PCED1B: variants seen among roughly 807,000 people sequenced by gnomAD.
PCED1B encodes PC-esterase domain-containing protein 1B.
For missense variants in PCED1B, 573 were observed against 573.9 expected, an observed-to-expected ratio of 1.00 and a Z score of 0.02; for synonymous variants, 251 against 246.1, an observed-to-expected ratio of 1.02 and a Z score of -0.19.
chr12:47,132,439 A>C (rs1940171464), intron 2 of PCED1B, among the ~76,000 whole-genome samples: 1 of 152,166 alleles, frequency 6.6e-6, no homozygotes, highest in Non-Finnish European at 1.5e-5. Context: ...AAATGGCCCA[A>C]TACTATGGGG....
At chr12:47,153,713 A>G (rs918890427) in intron 2 of PCED1B, among the ~76,000 whole-genome samples, 2 of 152,206 alleles carry the variant, frequency 1.3e-5, no homozygotes, top group Non-Finnish European at 2.9e-5. Context: ...CTCTACTTTT[A>G]AATAATCAGT....
chr12:47,127,761 A>C (rs1439723554), intron 2 of PCED1B, among the ~76,000 whole-genome samples: 2 of 152,200 alleles, frequency 1.3e-5, no homozygotes, highest in African/African-American at 2.4e-5. Context: ...TTTATGGCTT[A>C]GAATGTTGCC....
intron 2 of PCED1B, among the ~76,000 whole-genome samples, chr12:47,129,970 C>T (rs1409473960): frequency 6.6e-6 from 1 of 152,182 alleles, no homozygotes; most frequent in Non-Finnish European, 1.5e-5. Context: ...TTGAGTTCTG[C>T]CCAAAGAAGA....
rs140553763 is a variant in PCED1B at position 47,113,509 on chromosome 12, G to A, written c.-526+9314G>A. Among the ~76,000 whole-genome samples, 987 of 152,196 alleles carry A rather than the reference G, an allele frequency of 6.5e-3. 10 individuals are homozygous for A. Among genetic ancestry groups the A allele is most frequent in the African/African-American group, 0.022 (930 of 41,500 alleles). ...TTATACTGCATTGTTCCATACTGAT[G>A]ACGCTCCTGCTTCAAATCCTATTCC... On this transcript the variant is annotated intron_variant, in intron 2 of 3. Transcript: ENST00000546455.
intron 3 of PCED1B, among the ~76,000 whole-genome samples, chr12:47,233,701 G>A (rs1210276344): frequency 1.3e-5 from 2 of 152,156 alleles, no homozygotes; most frequent in Non-Finnish European, 2.9e-5. Flanking sequence ...TTACCTTCCT[G>A]AAGGAAATAT....
chr12:47,169,375 C>T lies in PCED1B; in HGVS notation c.-525-46847C>T, dbSNP rs1415246715. Among the ~76,000 whole-genome samples, 4 of 152,126 alleles carry T rather than the reference C, an allele frequency of 2.6e-5. No individual in the cohort carries two copies. The South Asian group carries it at 8.3e-4, about 32-fold the overall frequency. On this transcript the variant is annotated intron_variant, in intron 2 of 3. Coordinates refer to ENST00000546455, the MANE Select transcript of PCED1B (RefSeq NM_138371.3). Reference sequence around the variant, plus strand: ...TACCTCTCATGTGAGGGTCTTATGTCGTATTTCAGGGGAGAAGAAAGTGTC... The same window carrying T: ...TACCTCTCATGTGAGGGTCTTATGTTGTATTTCAGGGGAGAAGAAAGTGTC...
chr12:47,153,419 C>T (rs1442915601), intron 2 of PCED1B, among the ~76,000 whole-genome samples: 1 of 147,632 alleles, frequency 6.8e-6, no homozygotes, highest in South Asian at 2.2e-4. Flanking sequence ...CTGAATTACA[C>T]AGTTTAAAAT....
intron 2 of PCED1B, among the ~76,000 whole-genome samples, chr12:47,172,249 A>G (rs994409603): frequency 6.6e-6 from 1 of 150,990 alleles, no homozygotes; most frequent in African/African-American, 2.4e-5. Context: ...TACTTCTTCC[A>G]ATTGTTCTTT....
At position 47,235,538 on chromosome 12, in the gene PCED1B, C is replaced by T. The variant is rs774904336; in HGVS notation, c.475C>T (p.Leu159Phe). ...CLGQVLPESC[L>F]LVWNTAMPVG... is the part of the protein sequence containing the mutation. ...GGGCCAGGTGCTGCCCGAGTCTTGC[C>T]TCCTGGTGTGGAACACGGCCATGCC... Residue 159 changes from leucine (L) to phenylalanine (F), a missense_variant, in exon 4 of 4, where the codon CTC becomes TTC. By Grantham distance (22) the Leu-to-Phe change is conservative (BLOSUM62 0). Coordinates refer to ENST00000546455, the MANE Select transcript of PCED1B (RefSeq NM_138371.3). 3.1e-6 allele frequency: 5 copies of T among 1,611,098 alleles called. No homozygotes were observed. Among genetic ancestry groups the T allele is most frequent in the Non-Finnish European group, 1.7e-6 (2 of 1,178,136 alleles).
intron 2 of PCED1B, among the ~76,000 whole-genome samples, chr12:47,175,897 CTT>C (rs1278951627): frequency 2.1e-5 from 3 of 143,074 alleles, no homozygotes; most frequent in Admixed American, 7.0e-5. Flanking sequence ...AATTTTATTT[CTT>C]TTTTTTTTTA....
intron 2 of PCED1B, among the ~76,000 whole-genome samples, chr12:47,184,540 T>A (rs537077592): frequency 2.0e-5 from 3 of 152,260 alleles, no homozygotes; most frequent in South Asian, 2.1e-4. Flanking sequence ...CACAGACTTT[T>A]GAGTTTCACA....
chr12:47,219,813 A>G (rs1943417179), intron 3 of PCED1B, among the ~76,000 whole-genome samples: 1 of 152,178 alleles, frequency 6.6e-6, no homozygotes, highest in African/African-American at 2.4e-5. Context: ...TTCTTAATTT[A>G]AACAAGTATT....
intron 2 of PCED1B, among the ~76,000 whole-genome samples, chr12:47,139,532 G>A (rs1013830807): frequency 3.9e-5 from 6 of 152,186 alleles, no homozygotes; most frequent in African/African-American, 2.4e-5. Flanking sequence ...AGAGGAAGGC[G>A]TAGCTCAAGT....
At chr12:47,159,546 G>A (rs554376898) in intron 2 of PCED1B, among the ~76,000 whole-genome samples, 8 of 152,016 alleles carry the variant, frequency 5.3e-5, no homozygotes, top group African/African-American at 1.9e-4. Context: ...TTTGAGAAAT[G>A]TCTATTCATG....
chr12:47,233,249 T>C (rs1459405657), intron 3 of PCED1B, among the ~76,000 whole-genome samples: 1 of 152,054 alleles, frequency 6.6e-6, no homozygotes, highest in Non-Finnish European at 1.5e-5. Context: ...CTCCGCCTCC[T>C]GGGCTCACGC....
chr12:47,118,057 T>C (rs1410045330), intron 2 of PCED1B, among the ~76,000 whole-genome samples: 1 of 152,218 alleles, frequency 6.6e-6, no homozygotes, highest in Non-Finnish European at 1.5e-5. Context: ...TTTGATTTTT[T>C]GTTGTAAATT....
In PCED1B at chr12:47,170,525, C is replaced by G. The variant is rs528308906; in HGVS notation, c.-525-45697C>G. 1.2e-3 allele frequency among the ~76,000 whole-genome samples: 175 copies of G among 150,132 alleles called. 2 individuals carry two copies. The highest frequency in any genetic ancestry group is 4.2e-3 in the South Asian group (20 of 4,798). On this transcript the variant is annotated intron_variant, in intron 2 of 3. Coordinates refer to ENST00000546455, the MANE Select transcript of PCED1B (RefSeq NM_138371.3). ...GCGGCGGCCGGGCGGAGGCGCCCCC[C>G]ACCTCCCTCCCGGATATTACTCATC... is the stretch of plus-strand genomic sequence containing the variant.
intron 2 of PCED1B, among the ~76,000 whole-genome samples, chr12:47,146,451 T>C (rs1940787085): frequency 6.6e-6 from 1 of 152,214 alleles, no homozygotes; most frequent in South Asian, 2.1e-4. Context: ...TCAAACAGCA[T>C]CGCATGCTAC....
chr12:47,214,972 C>T (rs746958828), intron 2 of PCED1B, among the ~76,000 whole-genome samples: 26 of 152,008 alleles, frequency 1.7e-4, no homozygotes, highest in Non-Finnish European at 2.1e-4. Context: ...CTGCAACCTA[C>T]GCCTCCTGGG....
Sources: allele counts gnomAD v4.1 joint callset (sites outside exome capture counted in the v4.1 genomes callset), GRCh38; gene constraint gnomAD v4.1.1; transcripts MANE v1.5; gene names NCBI Gene and HGNC (gene_info 2026-07-23, HGNC 2026-07-21).